Variants in SYN2 observed in about 807,000 individuals in gnomAD.
The protein encoded by SYN2 is synapsin II.
A neutral mutation model predicts 50.9 loss-of-function variants in SYN2; 19 were observed. The ratio of observed to expected loss-of-function variants is 0.37; its 90% CI spans 0.26 to 0.55. The LOEUF (loss-of-function observed/expected upper bound fraction) is 0.55, where lower values mean the gene tolerates loss of function less well. Among genes scored for constraint, SYN2 ranks in the 20% least tolerant of loss-of-function variants. The pLI, the probability that SYN2 is intolerant of heterozygous loss-of-function variation, is 0.81. For synonymous variants in SYN2, 255 were observed against 224.9 expected (o/e 1.13, Z -1.20); for missense variants, 587 against 576.4 (o/e 1.02, Z -0.19).
intron 1 of SYN2, among the ~76,000 whole-genome samples, chr3:12,066,424 G>A (rs2125165555): frequency 6.6e-6 from 1 of 152,230 alleles, no homozygotes; most frequent in African/African-American, 2.4e-5. Flanking sequence ...GATATTTGGA[G>A]GCAGTTGTTT....
chr3:12,071,325 C>G, intron 1 of SYN2: 1 of 569,338 alleles, frequency 1.8e-6, no homozygotes, highest in Non-Finnish European at 3.5e-6. Flanking sequence ...AGGAGTACAA[C>G]AAGTTGGCCC....
intron 1 of SYN2, chr3:12,070,584 G>T: frequency 1.5e-6 from 2 of 1,349,786 alleles, no homozygotes; most frequent in Non-Finnish European, 2.0e-6. Flanking sequence ...GGCCAACAGA[G>T]AGAAGATGAC....
intron 1 of SYN2, among the ~76,000 whole-genome samples, chr3:12,027,060 A>C (rs933596140): frequency 3.9e-5 from 6 of 152,206 alleles, no homozygotes; most frequent in African/African-American, 1.4e-4. Context: ...GCTGATAGGC[A>C]GCAAGTCTCA....
chr3:12,179,151 G>T (rs1698162382), intron 10 of SYN2, among the ~76,000 whole-genome samples: 1 of 152,128 alleles, frequency 6.6e-6, no homozygotes, highest in East Asian at 1.9e-4. Context: ...ACTAAGCCCA[G>T]TAGATTCAGC....
chr3:12,074,686 A>T (rs184966115), intron 1 of SYN2, among the ~76,000 whole-genome samples: 1 of 152,134 alleles, frequency 6.6e-6, no homozygotes, highest in Non-Finnish European at 1.5e-5. Context: ...ATTCTGCCTT[A>T]TGCAGACTCT....
At chr3:12,097,045 A>G (rs748555537) in intron 1 of SYN2, among the ~76,000 whole-genome samples, 4 of 152,150 alleles carry the variant, frequency 2.6e-5, no homozygotes, top group Non-Finnish European at 5.9e-5. Flanking sequence ...AGGTGGAGAA[A>G]TAGGAACACT....
At chr3:12,176,329 A>G (rs1698067710) in intron 10 of SYN2, among the ~76,000 whole-genome samples, 1 of 152,080 alleles carries the variant, frequency 6.6e-6, no homozygotes, top group African/African-American at 2.4e-5. Context: ...TTCATTTCTC[A>G]TTATACTGGT....
intron 10 of SYN2, among the ~76,000 whole-genome samples, chr3:12,173,390 C>T (rs904742398): frequency 6.6e-6 from 1 of 152,222 alleles, no homozygotes; most frequent in Non-Finnish European, 1.5e-5. Context: ...CACTTATCTG[C>T]ACCTCCACCC....
rs113999788 is a variant in SYN2 at position 12,109,556 on chromosome 3, C to T, written c.378-31095C>T. Among the ~76,000 whole-genome samples, 475 of 152,306 alleles carry T rather than the reference C, an allele frequency of 3.1e-3. 3 individuals are homozygous for T. The highest frequency in any genetic ancestry group is 1.0e-2 in the African/African-American group (414 of 41,574). Reference sequence around the variant, plus strand: ...TATAAAAAGGGAATATGTGAACAGCCTGCCATTTAGTTAGCGCTCAGTAAA... The same window carrying T: ...TATAAAAAGGGAATATGTGAACAGCTTGCCATTTAGTTAGCGCTCAGTAAA... On this transcript the variant is annotated intron_variant, in intron 1 of 12. Coordinates refer to ENST00000621198, the MANE Select transcript of SYN2 (RefSeq NM_133625.6).
At chr3:12,064,549 A>G (rs1359418312) in intron 1 of SYN2, among the ~76,000 whole-genome samples, 2 of 152,128 alleles carry the variant, frequency 1.3e-5, no homozygotes, top group Non-Finnish European at 2.9e-5. Context: ...GAGACAACCC[A>G]TATTTTAAAG....
chr3:12,074,758 C>A (rs1695434070), intron 1 of SYN2, among the ~76,000 whole-genome samples: 1 of 152,122 alleles, frequency 6.6e-6, no homozygotes, highest in African/African-American at 2.4e-5. Context: ...GTCAGGCTAA[C>A]CCCTGGAAAC....
At chr3:12,128,579 A>G (rs1269561597) in intron 1 of SYN2, among the ~76,000 whole-genome samples, 1 of 152,220 alleles carries the variant, frequency 6.6e-6, no homozygotes, top group African/African-American at 2.4e-5. Flanking sequence ...TTAATTTTTC[A>G]TATTATCATG....
chr3:12,163,128 G>C (rs1263206667), intron 7 of SYN2, among the ~76,000 whole-genome samples: 1 of 151,320 alleles, frequency 6.6e-6, no homozygotes, highest in Non-Finnish European at 1.5e-5. Context: ...TCTAGTCCCA[G>C]CTACTCAGGA....
intron 1 of SYN2, among the ~76,000 whole-genome samples, chr3:12,102,415 CTG>C (rs1402239635): frequency 6.6e-6 from 1 of 152,066 alleles, no homozygotes; most frequent in Non-Finnish European, 1.5e-5. Flanking sequence ...AACAGAATAA[CTG>C]AATGAATATG....
chr3:12,107,928 C>T (rs1051886368), intron 1 of SYN2, among the ~76,000 whole-genome samples: 2 of 152,044 alleles, frequency 1.3e-5, no homozygotes, highest in African/African-American at 4.8e-5. Flanking sequence ...AAAGTAAGGC[C>T]AGCCGTGCAT....
chr3:12,143,114 A>C (rs1212755871), intron 3 of SYN2, among the ~76,000 whole-genome samples: 1 of 152,150 alleles, frequency 6.6e-6, no homozygotes, highest in East Asian at 1.9e-4. Context: ...GAATAAAGGC[A>C]GGCCCTTCTG....
chr3:12,121,007 C>G (rs1482249338), intron 1 of SYN2, among the ~76,000 whole-genome samples: 1 of 152,180 alleles, frequency 6.6e-6, no homozygotes, highest in African/African-American at 2.4e-5. Flanking sequence ...CATTCCTTGC[C>G]TTATATTTTA....
chr3:12,149,988 A>G (rs1240882150), intron 4 of SYN2, among the ~76,000 whole-genome samples: 1 of 152,172 alleles, frequency 6.6e-6, no homozygotes, highest in Non-Finnish European at 1.5e-5. Flanking sequence ...TTGCCCAAGG[A>G]CACCTAGGAA....
At chr3:12,090,600 G>C (rs1187300506) in intron 1 of SYN2, among the ~76,000 whole-genome samples, 1 of 152,174 alleles carries the variant, frequency 6.6e-6, no homozygotes, top group African/African-American at 2.4e-5. Context: ...AGTAACTGAG[G>C]CTTGGCAACT....
Sources: gnomAD v4.1 joint callset for allele counts (sites outside exome capture counted in the v4.1 genomes callset) on GRCh38, gnomAD v4.1.1 for gene constraint, MANE v1.5 for transcripts, NCBI Gene and HGNC (gene_info 2026-07-23, HGNC 2026-07-21) for gene names.